FNBP1: variants seen among roughly 807,000 people sequenced by gnomAD.
The protein encoded by FNBP1 is formin binding protein 1.
A neutral mutation model predicts 90.6 loss-of-function variants in FNBP1; 26 were observed. That is an observed-to-expected ratio of 0.29 (90% CI 0.21 to 0.40). FNBP1 has a LOEUF of 0.40. Among genes scored for constraint, FNBP1 ranks in the 10% least tolerant of loss-of-function variants. The pLI is 1.00. For synonymous variants in FNBP1, 260 were observed against 265.2 expected (o/e 0.98, Z 0.19); for missense variants, 635 against 768.0 (o/e 0.83, Z 2.05).
intron 6 of FNBP1, among the ~76,000 whole-genome samples, chr9:129,939,363 T>C (rs1588699224): frequency 6.6e-6 from 1 of 151,372 alleles, no homozygotes; most frequent in African/African-American, 2.4e-5. Context: ...AACTCCAGCC[T>C]GGGCAACAAG....
At chr9:130,024,251 C>CT (rs1224818736) in intron 1 of FNBP1, among the ~76,000 whole-genome samples, 1 of 151,462 alleles carries the variant, frequency 6.6e-6, no homozygotes, top group African/African-American at 2.4e-5. Context: ...CTCTACCCCC[C>CT]CCAAAAAAAC....
intron 2 of FNBP1, among the ~76,000 whole-genome samples, chr9:129,982,019 G>A (rs2051335018): frequency 6.6e-6 from 1 of 152,152 alleles, no homozygotes; most frequent in Non-Finnish European, 1.5e-5. Context: ...AATAATTCTA[G>A]ATGCAAAATA....
intron 1 of FNBP1, among the ~76,000 whole-genome samples, chr9:130,011,513 G>A (rs1348306855): frequency 6.6e-6 from 1 of 151,882 alleles, no homozygotes; most frequent in Non-Finnish European, 1.5e-5. Flanking sequence ...CCTCATGGAT[G>A]GGATTAATGC....
At chr9:130,024,059 C>A (rs1425635924) in intron 1 of FNBP1, among the ~76,000 whole-genome samples, 6 of 152,132 alleles carry the variant, frequency 3.9e-5, no homozygotes. Context: ...AGGTCCCTCA[C>A]CCCAAGCTTG....
At chr9:129,973,817 CT>C (rs1210959601) in intron 4 of FNBP1, among the ~76,000 whole-genome samples, 74 of 125,858 alleles carry the variant, frequency 5.9e-4, no homozygotes, top group Non-Finnish European at 5.7e-4. Context: ...CTTTTTTTTT[CT>C]TTTTTTTTTT....
At position 130,042,081 on chromosome 9, in the gene FNBP1, A is replaced by T. The variant is rs946679522; in HGVS notation, c.24+871T>A. ...AGGAATCCGGGGACGGCAGGAAAAG[A>T]GCTCCATCCACAGCCAGCCCCTCGC... is the stretch of plus-strand genomic sequence containing the variant. On this transcript the variant is annotated intron_variant, in intron 1 of 16. Coordinates refer to ENST00000446176, the MANE Select transcript of FNBP1 (RefSeq NM_015033.3). The surrounding 1 kb of genome is among the most constrained non-coding windows in gnomAD (Gnocchi z 5.5). Among the ~76,000 whole-genome samples the T allele has an allele frequency of 6.6e-6, 1 of 151,740 alleles. No individual in the cohort carries two copies. Among genetic ancestry groups the T allele is most frequent in the Non-Finnish European group, 1.5e-5 (1 of 67,946 alleles).
intron 4 of FNBP1, among the ~76,000 whole-genome samples, chr9:129,965,809 GAGGGAGGGAGGAAGGA>G (rs2048534104): frequency 1.8e-4 from 10 of 56,254 alleles, no homozygotes; most frequent in Middle Eastern, 8.5e-3. Flanking sequence ...GGGAAGGAGG[GAGGGAGGGAGGAAGGA>G]AGGAAGGAAG....
In FNBP1 at chr9:129,887,897, C is replaced by A; in HGVS notation, c.*2642G>T. Reference sequence around the variant, plus strand: ...CACATTCTACTCTATGTGAACTGCTCCAGAAAAATACAGACATGATTTCAC... The same window carrying A: ...CACATTCTACTCTATGTGAACTGCTACAGAAAAATACAGACATGATTTCAC... On this transcript the variant is annotated 3_prime_UTR_variant, in exon 17 of 17. Coordinates refer to ENST00000446176, the MANE Select transcript of FNBP1 (RefSeq NM_015033.3). The A allele has an allele frequency of 4.3e-6, 1 of 231,828 alleles. No individual in the cohort carries two copies. The highest frequency in any genetic ancestry group is 8.5e-6 in the Non-Finnish European group (1 of 117,188). The allele number at this position is 231,828 out of a possible 1,614,324, so 14.4% of individuals were successfully genotyped here.
chr9:129,974,372 AG>A lies in FNBP1; in HGVS notation c.345+4092del, dbSNP rs375475727. ...TCTGGAGAACCAGCAGTCCCCATTG[AG>A]GTTAGCTATTATAATCTATAGCAAG... On this transcript the variant is annotated intron_variant, in intron 4 of 16. Transcript: ENST00000446176. 6.4e-3 allele frequency among the ~76,000 whole-genome samples: 967 copies of A among 151,808 alleles called. 3 individuals are homozygous for A. The highest frequency in any genetic ancestry group is 0.013 in the East Asian group (66 of 5,114).
At chr9:130,047,222 A>G (rs1356554995), upstream of FNBP1, among the ~76,000 whole-genome samples, 1 of 152,114 alleles carries the variant, frequency 6.6e-6, no homozygotes, top group Non-Finnish European at 1.5e-5. Context: ...ATTAAAGGAC[A>G]CTCAGCTGAT....
At chr9:130,022,365 C>T (rs1302544253) in intron 1 of FNBP1, among the ~76,000 whole-genome samples, 1 of 151,268 alleles carries the variant, frequency 6.6e-6, no homozygotes, top group Non-Finnish European at 1.5e-5. Flanking sequence ...CCAAGATGCC[C>T]GGTTAATTTT....
chr9:130,021,902 C>A (rs2057867016), intron 1 of FNBP1, among the ~76,000 whole-genome samples: 1 of 152,184 alleles, frequency 6.6e-6, no homozygotes, highest in African/African-American at 2.4e-5. Flanking sequence ...TGCTCTGTTG[C>A]CCAGGCTGGA....
At position 129,900,277 on chromosome 9, in the gene FNBP1, T is replaced by C; in HGVS notation, c.1550+149A>G. ...CCCATCCCATGTGGAATTATAAATC[T>C]GCATCATGGAAAAAGTGACAGGTCA... On this transcript the variant is annotated intron_variant, in intron 14 of 16. Transcript: ENST00000446176. The surrounding 1 kb of genome is among the most constrained non-coding windows in gnomAD (Gnocchi z 4.1). The C allele has an allele frequency of 9.1e-7, 1 of 1,102,642 alleles. No individual in the cohort carries two copies. Among genetic ancestry groups the C allele is most frequent in the Non-Finnish European group, 1.2e-6 (1 of 803,172 alleles). The allele number at this position is 1,102,642 out of a possible 1,614,324, so 68.3% of individuals were successfully genotyped here.
At chr9:130,022,752 C>T (rs749759793) in intron 1 of FNBP1, among the ~76,000 whole-genome samples, 3 of 152,092 alleles carry the variant, frequency 2.0e-5, no homozygotes, top group Admixed American at 6.6e-5. Flanking sequence ...CGCTCACTGC[C>T]GCCTTGATCT....
chr9:129,994,838 C>T lies in FNBP1; in HGVS notation c.140+5G>A. The T allele has an allele frequency of 6.9e-7, 1 of 1,441,152 alleles. No individual in the cohort carries two copies. The highest frequency in any genetic ancestry group is 9.7e-7 in the Non-Finnish European group (1 of 1,032,324). 89.3% of individuals were successfully genotyped at this position (1,441,152 alleles called of 1,614,324 possible). On this transcript the variant is annotated splice_donor_5th_base_variant and intron_variant, in intron 2 of 16. Coordinates refer to ENST00000446176, the MANE Select transcript of FNBP1 (RefSeq NM_015033.3). ...AACAAATAACCTTTTTCAATATCAACTTACCTGAGTTGCTTTGCATAGCTG... is the reference window on the plus strand; with the variant it reads ...AACAAATAACCTTTTTCAATATCAATTTACCTGAGTTGCTTTGCATAGCTG...
intron 1 of FNBP1, among the ~76,000 whole-genome samples, chr9:129,999,028 C>G (rs2054440743): frequency 6.6e-6 from 1 of 152,174 alleles, no homozygotes; most frequent in Non-Finnish European, 1.5e-5. Context: ...CTCACTATCA[C>G]ATGAACTGCT....
At position 129,948,003 on chromosome 9, in the gene FNBP1, AG is replaced by A. The variant is rs1391593466; in HGVS notation, c.513+9356del. Among the ~76,000 whole-genome samples the A allele has an allele frequency of 1.6e-4, 23 of 147,632 alleles. No individual in the cohort carries two copies. The East Asian group carries it at 4.6e-3, about 29-fold the overall frequency. ...TAAATTTAAAAAAAAAAAAAAAAGG[AG>A]GGGGGCAGGTGTGGTGGCTCACACC... On this transcript the variant is annotated intron_variant, in intron 6 of 16. Coordinates refer to ENST00000446176, the MANE Select transcript of FNBP1 (RefSeq NM_015033.3).
intron 4 of FNBP1, among the ~76,000 whole-genome samples, chr9:129,967,611 C>T: frequency 6.6e-6 from 1 of 152,160 alleles, no homozygotes; most frequent in East Asian, 1.9e-4. Context: ...CAGTCCTCTG[C>T]TGACAAAGGT....
intron 1 of FNBP1, among the ~76,000 whole-genome samples, chr9:130,010,399 G>A (rs1432725995): frequency 1.3e-5 from 2 of 152,064 alleles, no homozygotes; most frequent in East Asian, 3.9e-4. Context: ...ACTGAGAAAG[G>A]TTTCCTCCCA....
Sources: gnomAD v4.1 joint callset for allele counts (sites outside exome capture counted in the v4.1 genomes callset) on GRCh38, gnomAD v4.1.1 for gene constraint, Gnocchi (gnomAD v3.1) non-coding constraint, MANE v1.5 for transcripts, NCBI Gene and HGNC (gene_info 2026-07-23, HGNC 2026-07-21) for gene names.